The following RADIL variants were observed in gnomAD, a reference collection of about 807,000 sequenced individuals.
RADIL encodes Rap associating with DIL domain.
Under a neutral mutation model 97.6 loss-of-function variants are expected in RADIL, and 99 were observed. The ratio of observed to expected loss-of-function variants is 1.01; its 90% CI spans 0.86 to 1.20. RADIL has a LOEUF of 1.20. RADIL is among the 50% of genes most tolerant of loss of function. RADIL has a pLI of 0.00. For missense variants in RADIL, 1,765 were observed against 1,498.9 expected, an observed-to-expected ratio of 1.18 and a Z score of -2.93; for synonymous variants, 803 against 691.8, an observed-to-expected ratio of 1.16 and a Z score of -2.52.
At position 4,872,395 on chromosome 7, in the gene RADIL, C is replaced by G. The variant is rs773154141; in HGVS notation, c.535+5210G>C. On this transcript the variant is annotated intron_variant, in intron 2 of 14. Transcript: ENST00000399583. This position sits in a 1 kb window ranked among gnomAD's most constrained non-coding sequence, Gnocchi z 5.8. ...GAAAGCAAGGAAGGCCAGCCCTCCC[C>G]GGGCTCTGCGCGGGTTTAACACTTA... Among the ~76,000 whole-genome samples, 8 of 152,194 alleles carry G rather than the reference C, an allele frequency of 5.3e-5. No individual in the cohort carries two copies. The highest frequency in any genetic ancestry group is 1.9e-4 in the African/African-American group (8 of 41,452).
intron 2 of RADIL, among the ~76,000 whole-genome samples, chr7:4,868,105 C>G (rs1784169661): frequency 6.6e-6 from 1 of 152,184 alleles, no homozygotes. Context: ...CTGTGTCGCC[C>G]AGGCTGGAGT....
chr7:4,812,991 T>A (rs1368359667), intron 9 of RADIL, among the ~76,000 whole-genome samples: 1 of 152,234 alleles, frequency 6.6e-6, no homozygotes, highest in East Asian at 1.9e-4. Flanking sequence ...TTGTTGCCAA[T>A]GAACTTAATG....
In RADIL at chr7:4,840,839, C is replaced by T. The variant is rs566355828; in HGVS notation, c.536-4234G>A. The stretch of plus-strand genomic sequence containing the variant: ...AAACTTAGCTGGGCGTGGAGGTGGG[C>T]GCCTGTAGTCCCGGCTACTCGAGAG... On this transcript the variant is annotated intron_variant, in intron 2 of 14. Transcript: ENST00000399583. This position sits in a 1 kb window ranked among gnomAD's most constrained non-coding sequence, Gnocchi z 5.6. Among the ~76,000 whole-genome samples the T allele has an allele frequency of 7.9e-5, 12 of 152,166 alleles. No individual in the cohort carries two copies. Among genetic ancestry groups the T allele is most frequent in the East Asian group, 5.8e-4 (3 of 5,164 alleles).
intron 2 of RADIL, among the ~76,000 whole-genome samples, chr7:4,855,689 A>G (rs1325768230): frequency 4.7e-5 from 7 of 148,666 alleles, no homozygotes; most frequent in Admixed American, 3.4e-4. Context: ...CCTTGTTACT[A>G]CTGAGATTGG....
chr7:4,869,916 AACTCAG>A (rs1441529948), intron 2 of RADIL, among the ~76,000 whole-genome samples: 1 of 152,200 alleles, frequency 6.6e-6, no homozygotes, highest in Non-Finnish European at 1.5e-5. Flanking sequence ...GGACCACCTG[AACTCAG>A]GAGTTCAAGA....
chr7:4,800,408 G>C (rs1782042996), intron 12 of RADIL, 98 bp from the exon 13 acceptor site: 1 of 1,265,022 alleles, frequency 7.9e-7, no homozygotes, highest in African/African-American at 1.6e-5. Context: ...GGGCGTCAGG[G>C]ATGGGATGGC....
In RADIL at chr7:4,852,901, A is replaced by G. The variant is rs148379760; in HGVS notation, c.536-16296T>C. 4.1e-3 allele frequency among the ~76,000 whole-genome samples: 623 copies of G among 152,256 alleles called. 4 individuals are homozygous for G. Among genetic ancestry groups the G allele is most frequent in the African/African-American group, 0.014 (574 of 41,540 alleles). ...ACCCTATGCCTGTCCCACCCTTGCA[A>G]GTTGGGAGGGCTGGGGCAGATATTT... is the stretch of plus-strand genomic sequence containing the variant. On this transcript the variant is annotated intron_variant, in intron 2 of 14. Coordinates refer to ENST00000399583, the MANE Select transcript of RADIL (RefSeq NM_018059.5).
chr7:4,879,455 G>A lies in RADIL; in HGVS notation c.-64-1252C>T, dbSNP rs1027050217. On this transcript the variant is annotated intron_variant, in intron 1 of 14. Transcript: ENST00000399583. The surrounding 1 kb of genome is among the most constrained non-coding windows in gnomAD (Gnocchi z 4.1). ...CTCCCCATTACTGTACCCCACTTCC[G>A]TGCTCATGTTCTCACCAAAGACAAA... 1.3e-5 allele frequency among the ~76,000 whole-genome samples: 2 copies of A among 152,180 alleles called. No homozygotes were observed. Among genetic ancestry groups the A allele is most frequent in the Non-Finnish European group, 2.9e-5 (2 of 68,032 alleles).
rs1378369524 is a variant in RADIL, at chr7:4,879,098, G to A, written c.-64-895C>T. ...CACTGAGTGGCCTCGCAAGCACGGC[G>A]GGCACAAAGGGCCCCTCTCGAGCCG... On this transcript the variant is annotated intron_variant, in intron 1 of 14. Transcript: ENST00000399583. The surrounding 1 kb of genome is among the most constrained non-coding windows in gnomAD (Gnocchi z 4.1). 6.6e-6 allele frequency among the ~76,000 whole-genome samples: 1 copy of A among 152,202 alleles called. No homozygotes were observed. The highest frequency in any genetic ancestry group is 1.5e-5 in the Non-Finnish European group (1 of 68,044).
chr7:4,821,822 CT>C lies in RADIL; in HGVS notation c.1615+571del, dbSNP rs1332802895. Reference sequence around the variant, plus strand: ...AGTGAGCCAAGATCGCACCATTGCACTCCAGCCTGGGTGACAGAGCGAGACT... The same window carrying C: ...AGTGAGCCAAGATCGCACCATTGCACCCAGCCTGGGTGACAGAGCGAGACT... On this transcript the variant is annotated intron_variant, in intron 6 of 14. Coordinates refer to ENST00000399583, the MANE Select transcript of RADIL (RefSeq NM_018059.5). The surrounding 1 kb of genome is among the most constrained non-coding windows in gnomAD (Gnocchi z 5.2). 6.6e-6 allele frequency among the ~76,000 whole-genome samples: 1 copy of C among 152,110 alleles called. No homozygotes were observed. Among genetic ancestry groups the C allele is most frequent in the East Asian group, 1.9e-4 (1 of 5,178 alleles).
intron 2 of RADIL, among the ~76,000 whole-genome samples, chr7:4,855,404 T>C (rs955992982): frequency 6.6e-6 from 1 of 151,956 alleles, no homozygotes; most frequent in African/African-American, 2.4e-5. Flanking sequence ...ATCAGTAAGA[T>C]GAAGTACATC....
rs752695151 is a variant in RADIL at position 4,835,119 on chromosome 7, G to A, written c.904C>T (p.Arg302Trp). The change falls in exon 4 of 15, where the codon CGG becomes TGG. Residue 302 changes from arginine (R) to tryptophan (W), a missense_variant. Physicochemically the swap from Arg to Trp is moderately radical, Grantham distance 101. Transcript: ENST00000399583. This position sits in a 1 kb window ranked among gnomAD's most constrained non-coding sequence, Gnocchi z 5.8. ...DILPLHCTIRRQPLPDSGQAA... is the reference protein window; with the variant it reads ...DILPLHCTIRWQPLPDSGQAA... ...TGGCCGCTGTCCGGGAGCGGTTGCCGGCGGATGGTGCAGTGTAGAGGCAGG... is the reference window on the plus strand; with the variant it reads ...TGGCCGCTGTCCGGGAGCGGTTGCCAGCGGATGGTGCAGTGTAGAGGCAGG... 45 of 1,608,908 alleles carry A rather than the reference G, an allele frequency of 2.8e-5. 1 individual carries two copies. The South Asian group carries it at 4.4e-4, about 16-fold the overall frequency.
chr7:4,833,502 C>T (rs1783205641), intron 4 of RADIL, among the ~76,000 whole-genome samples: 1 of 152,200 alleles, frequency 6.6e-6, no homozygotes, highest in African/African-American at 2.4e-5. Flanking sequence ...GGGGAAGAGG[C>T]ACGGACACCC....
Position 4,854,404 on chromosome 7 carries a change from C to T in RADIL, c.536-17799G>A, listed in dbSNP as rs7385697. ...TTTGTCATTGTTGATAAAGAGGTTA[C>T]CACTTTGGGCCGGGCGCGGTGGCTC... is the stretch of plus-strand genomic sequence containing the variant. On this transcript the variant is annotated intron_variant, in intron 2 of 14. Transcript: ENST00000399583. This position sits in a 1 kb window ranked among gnomAD's most constrained non-coding sequence, Gnocchi z 5.1. Among the ~76,000 whole-genome samples, 68,880 of 152,018 alleles carry T rather than the reference C, an allele frequency of 0.45. 16,953 individuals are homozygous for T. The highest frequency in any genetic ancestry group is 0.64 in the African/African-American group (26,659 of 41,466).
In RADIL at chr7:4,873,286, A is replaced by G. The variant is rs374735991; in HGVS notation, c.535+4319T>C. On this transcript the variant is annotated intron_variant, in intron 2 of 14. Coordinates refer to ENST00000399583, the MANE Select transcript of RADIL (RefSeq NM_018059.5). The surrounding 1 kb of genome is among the most constrained non-coding windows in gnomAD (Gnocchi z 4.3). ...GGAAATTATTGAAAAACAGTGTTACAGTGTTGAGCAACCTGGGGCTGGACT... is the reference window on the plus strand; with the variant it reads ...GGAAATTATTGAAAAACAGTGTTACGGTGTTGAGCAACCTGGGGCTGGACT... Among the ~76,000 whole-genome samples, 1 of 152,146 alleles carries G rather than the reference A, an allele frequency of 6.6e-6. No individual in the cohort carries two copies. The highest frequency in any genetic ancestry group is 1.5e-5 in the Non-Finnish European group (1 of 68,032).
At chr7:4,864,252 A>G (rs1391911351) in intron 2 of RADIL, among the ~76,000 whole-genome samples, 1 of 152,060 alleles carries the variant, frequency 6.6e-6, no homozygotes, top group Non-Finnish European at 1.5e-5. Flanking sequence ...CTGCGACACC[A>G]TACTCTTTGT....
chr7:4,879,297 A>G lies in RADIL; in HGVS notation c.-64-1094T>C, dbSNP rs908422143. ...TAGCGTGCCCAGGGCCAGGAGTTCC[A>G]GATGGTTTCTCAGTCTCCCTCCAGA... On this transcript the variant is annotated intron_variant, in intron 1 of 14. Coordinates refer to ENST00000399583, the MANE Select transcript of RADIL (RefSeq NM_018059.5). The surrounding 1 kb of genome is among the most constrained non-coding windows in gnomAD (Gnocchi z 4.1). Among the ~76,000 whole-genome samples the G allele has an allele frequency of 6.6e-6, 1 of 152,244 alleles. No individual in the cohort carries two copies. Among genetic ancestry groups the G allele is most frequent in the Non-Finnish European group, 1.5e-5 (1 of 68,040 alleles).
At chr7:4,799,917 C>G (rs1583252981) in intron 13 of RADIL, 148 bp from the exon 14 acceptor site, 2 of 1,257,200 alleles carry the variant, frequency 1.6e-6, no homozygotes, top group Non-Finnish European at 2.1e-6. Context: ...TCCAGAAAAG[C>G]AGTGGACACC....
At chr7:4,826,258 G>C (rs1218471718) in intron 5 of RADIL, among the ~76,000 whole-genome samples, 1 of 151,988 alleles carries the variant, frequency 6.6e-6, no homozygotes, top group Non-Finnish European at 1.5e-5. Flanking sequence ...AGAATGATTT[G>C]AGACACAGTA....
Sources: allele counts gnomAD v4.1 joint callset (sites outside exome capture counted in the v4.1 genomes callset), GRCh38; gene constraint gnomAD v4.1.1; non-coding constraint Gnocchi (gnomAD v3.1); transcripts MANE v1.5; gene names NCBI Gene and HGNC (gene_info 2026-07-23, HGNC 2026-07-21).